The following MEST variants were observed in gnomAD, a reference collection of about 807,000 sequenced individuals.
MEST encodes mesoderm specific transcript, also known as mesoderm-specific transcript homolog protein.
MEST carries 18 observed loss-of-function variants against 50.9 expected under a neutral mutation model. The observed-to-expected ratio is 0.35, with a 90% CI of 0.24 to 0.52. The LOEUF (loss-of-function observed/expected upper bound fraction) is 0.52, where lower values mean the gene tolerates loss of function less well. Ranked by LOEUF, MEST falls within the 20% of genes least tolerant of loss-of-function variation. MEST has a pLI of 0.94. For missense variants in MEST, 282 were observed against 425.3 expected (o/e 0.66, Z 2.96); for synonymous variants, 130 against 154.1 (o/e 0.84, Z 1.16).
chr7:130,497,836 C>A lies in MEST; in HGVS notation c.262-100C>A. The A allele has an allele frequency of 9.7e-7, 1 of 1,026,130 alleles. No individual in the cohort carries two copies. The highest frequency in any genetic ancestry group is 1.3e-5 in the South Asian group (1 of 77,222). 63.6% of individuals were successfully genotyped at this position (1,026,130 alleles called of 1,614,324 possible). Reference sequence around the variant, plus strand: ...CATGGCGTTTTCTCTTTATGGAAGTCTGTTAAGCCAAGATAGGGCTGAAGC... The same window carrying A: ...CATGGCGTTTTCTCTTTATGGAAGTATGTTAAGCCAAGATAGGGCTGAAGC... On this transcript the variant is annotated intron_variant, in intron 3 of 11. Transcript: ENST00000223215. The surrounding 1 kb of genome is among the most constrained non-coding windows in gnomAD (Gnocchi z 4.0).
At chr7:130,489,354 A>G (rs1329479421), upstream of MEST, 1 of 152,234 alleles carries the variant, frequency 6.6e-6, no homozygotes, top group Admixed American at 6.5e-5. Flanking sequence ...GAGGAACTGA[A>G]AGGGTGCAAC....
chr7:130,495,206 G>GC lies in MEST; in HGVS notation c.27-162_27-161insC, dbSNP rs1798998517. ...AATATGGTGAGTGCTATGGCAGACAGAGGTTTGATTATAGTCTCGGTCAGC... is the reference window on the plus strand; with the variant it reads ...AATATGGTGAGTGCTATGGCAGACAGCAGGTTTGATTATAGTCTCGGTCAGC... On this transcript the variant is annotated intron_variant, in intron 1 of 11. Coordinates refer to ENST00000223215, the MANE Select transcript of MEST (RefSeq NM_002402.4). 2.1e-5 allele frequency: 13 copies of GC among 613,684 alleles called. No homozygotes were observed. In the South Asian group the frequency reaches 3.7e-4, roughly 17 times the overall value. 38.0% of individuals were successfully genotyped at this position (613,684 alleles called of 1,614,324 possible).
At chr7:130,487,630 T>C (rs1366850020), upstream of MEST, 1 of 152,222 alleles carries the variant, frequency 6.6e-6, no homozygotes, top group Non-Finnish European at 1.5e-5. Flanking sequence ...TTCAGGGATA[T>C]ATTGGTTAAT....
chr7:130,492,295 G>C lies in MEST; in HGVS notation c.-19G>C. ...GGTGCTCTGCAACGCTGCGGCGGGCGGCATGGGATAACGCGGCCATGGTGC... is the reference window on the plus strand; with the variant it reads ...GGTGCTCTGCAACGCTGCGGCGGGCCGCATGGGATAACGCGGCCATGGTGC... On this transcript the variant is annotated 5_prime_UTR_variant, in exon 1 of 12. Transcript: ENST00000223215. This position sits in a 1 kb window ranked among gnomAD's most constrained non-coding sequence, Gnocchi z 7.6. 1.5e-6 allele frequency: 2 copies of C among 1,346,960 alleles called. No individual in the cohort carries two copies. Among genetic ancestry groups the C allele is most frequent in the Non-Finnish European group, 1.9e-6 (2 of 1,049,910 alleles). 83.4% of individuals were successfully genotyped at this position (1,346,960 alleles called of 1,614,324 possible).
Position 130,498,214 on chromosome 7 carries a change from C to T in MEST, c.415C>T (p.Arg139Cys), listed in dbSNP as rs782105717. Residue 139 changes from arginine to cysteine, a missense_variant, in exon 5 of 12, where the codon CGC becomes TGC. Transcript: ENST00000223215. ...TTTGCGGCATCTGGGGCTCCAGAACCGCAGGATCAACCTTCTTTCTCATGA... is the reference window on the plus strand; with the variant it reads ...TTTGCGGCATCTGGGGCTCCAGAACTGCAGGATCAACCTTCTTTCTCATGA... The part of the protein sequence containing the change: ...ALLRHLGLQN[R>C]RINLLSHDYG... The T allele has an allele frequency of 1.9e-5, 31 of 1,614,066 alleles. 1 individual carries two copies. The South Asian group carries it at 2.5e-4, about 13-fold the overall frequency.
intron 10 of MEST, among the ~76,000 whole-genome samples, chr7:130,503,496 C>A (rs1554439044): frequency 2.6e-5 from 4 of 152,126 alleles, no homozygotes. Context: ...TTGTATCACA[C>A]AAAAAATTAT....
At chr7:130,498,327 C>T (rs782357216) in intron 5 of MEST, 52 bp downstream of exon 5, 6 of 1,611,592 alleles carry the variant, frequency 3.7e-6, no homozygotes, top group Non-Finnish European at 4.2e-6. Context: ...TACATTGTTT[C>T]TGGACTGTTT....
At chr7:130,502,791 C>G in intron 10 of MEST, 71 bp downstream of exon 10, 1 of 1,091,702 alleles carries the variant, frequency 9.2e-7, no homozygotes, top group Non-Finnish European at 1.4e-6. Context: ...CTCCTTTATA[C>G]AATTAGGGTT....
rs146696030 is a variant in MEST, at chr7:130,504,966, G to A, written c.918G>A (p.Ser306=). The stretch of plus-strand genomic sequence containing the variant: ...AAACGCTGCCGCGGTCCACAGTGTC[G>A]ATTCTGGATGACCACATTAGCCACT... The part of the protein sequence containing the change: ...YRKTLPRSTV[S]ILDDHISHYP... The change falls in exon 12 of 12, where the codon TCG becomes TCA. Residue 306 remains serine (S), a synonymous_variant. Transcript: ENST00000223215. 2.5e-4 allele frequency: 407 copies of A among 1,613,774 alleles called. 1 individual carries two copies. Among genetic ancestry groups the A allele is most frequent in the South Asian group, 2.1e-3 (187 of 91,056 alleles).
Position 130,505,113 on chromosome 7 carries a change from TC to T in MEST, c.*59del. 7.9e-7 allele frequency: 1 copy of T among 1,267,832 alleles called. No homozygotes were observed. Among genetic ancestry groups the T allele is most frequent in the African/African-American group, 1.5e-5 (1 of 68,016 alleles). 78.5% of individuals were successfully genotyped at this position (1,267,832 alleles called of 1,614,324 possible). On this transcript the variant is annotated 3_prime_UTR_variant, in exon 12 of 12. Transcript: ENST00000223215. ...CCCTACTCCCTTATGTGTTGTGTAT[TC>T]CACTTAGGAAGAAATGCCCAAAAGA...
rs554970031 is a variant in MEST at position 130,497,119 on chromosome 7, G to C, written c.182-37G>C. The stretch of plus-strand genomic sequence containing the variant: ...ACATCTTCGAGGTTATTTTTATAGG[G>C]ATTTGGCATAATTGATTGTACTTTC... On this transcript the variant is annotated intron_variant, in intron 2 of 11. Transcript: ENST00000223215. This position sits in a 1 kb window ranked among gnomAD's most constrained non-coding sequence, Gnocchi z 4.0. 213 of 1,546,554 alleles carry C rather than the reference G, an allele frequency of 1.4e-4. 1 individual carries two copies. In the South Asian group the frequency reaches 2.3e-3, roughly 17 times the overall value.
chr7:130,486,807 T>C (rs1344970361), intron 1 of MEST: 1 of 152,346 alleles, frequency 6.6e-6, no homozygotes, highest in Non-Finnish European at 1.5e-5. Flanking sequence ...GCCTTCCTAC[T>C]TGTGGGACAG....
upstream of MEST, chr7:130,488,407 A>T (rs532017277): frequency 6.6e-6 from 1 of 152,356 alleles, no homozygotes; most frequent in Admixed American, 6.5e-5. Flanking sequence ...ATATTTGAGG[A>T]CTGCTAACAC....
upstream of MEST, chr7:130,490,769 C>T (rs1272526570): frequency 2.0e-5 from 3 of 152,248 alleles, no homozygotes; most frequent in Non-Finnish European, 4.4e-5. Flanking sequence ...TCTTAGTGCC[C>T]TGTAGGTGCT....
chr7:130,502,855 T>C, intron 10 of MEST, 135 bp downstream of exon 10: 2 of 645,552 alleles, frequency 3.1e-6, no homozygotes, highest in Non-Finnish European at 5.3e-6. Flanking sequence ...GAATTTTAGA[T>C]AAACAACAAA....
At chr7:130,493,095 G>T (rs760811157) in intron 1 of MEST, 16 of 152,118 alleles carry the variant, frequency 1.1e-4, no homozygotes, top group African/African-American at 3.9e-4. Context: ...GGGAGTCACC[G>T]CAGTGACTAG....
In MEST at chr7:130,495,610, T is replaced by C. The variant is rs1799018015; in HGVS notation, c.181+88T>C. The stretch of plus-strand genomic sequence containing the variant: ...TATTTTGTGGCTATTGGTCTCTTGT[T>C]GCTCCTTAATGATGGAGGAGAGTAT... On this transcript the variant is annotated intron_variant, in intron 2 of 11. Coordinates refer to ENST00000223215, the MANE Select transcript of MEST (RefSeq NM_002402.4). 6.1e-6 allele frequency: 8 copies of C among 1,320,086 alleles called. No individual in the cohort carries two copies. In the South Asian group the frequency reaches 1.1e-4, roughly 19 times the overall value. The allele number at this position is 1,320,086 out of a possible 1,614,324, so 81.8% of individuals were successfully genotyped here. A position where few individuals can be genotyped will look rare whatever the true frequency, so the allele number is the denominator to read the frequency against.
chr7:130,503,742 C>T (rs950579719), intron 10 of MEST, among the ~76,000 whole-genome samples, 191 bp from the exon 11 acceptor site: 5 of 152,084 alleles, frequency 3.3e-5, no homozygotes, highest in African/African-American at 7.2e-5. Context: ...CTTGGGCCAA[C>T]GAGTTTGAGG....
In MEST at chr7:130,495,327, G is replaced by C. The variant is rs200893966; in HGVS notation, c.27-41G>C. The C allele has an allele frequency of 1.9e-6, 3 of 1,565,028 alleles. No individual in the cohort carries two copies. In the East Asian group the frequency reaches 6.9e-5, roughly 36 times the overall value. ...TTTGGTTTGTAGATGAGTGGACAAT[G>C]TTACCTGACTGCTTACAGTGGGTCT... On this transcript the variant is annotated intron_variant, in intron 1 of 11. Transcript: ENST00000223215.
Sources: gnomAD v4.1 joint callset for allele counts (sites outside exome capture counted in the v4.1 genomes callset) on GRCh38, gnomAD v4.1.1 for gene constraint, Gnocchi (gnomAD v3.1) non-coding constraint, MANE v1.5 for transcripts, NCBI Gene and HGNC (gene_info 2026-07-23, HGNC 2026-07-21) for gene names.